Variants in CDH22 observed in about 807,000 individuals in gnomAD.
The protein encoded by CDH22 is cadherin-22.
Under a neutral mutation model 58.4 loss-of-function variants are expected in CDH22, and 30 were observed. The ratio of observed to expected loss-of-function variants is 0.51; its 90% CI spans 0.38 to 0.70. The LOEUF is 0.70. CDH22 is among the 30% of genes least tolerant of loss of function. The pLI is 0.00. For synonymous variants in CDH22, 513 were observed against 558.2 expected (o/e 0.92, Z 1.14); for missense variants, 1,014 against 1,233.9 (o/e 0.82, Z 2.67).
chr20:46,199,547 G>A lies in CDH22; in HGVS notation c.1299C>T (p.Asp433=), dbSNP rs752395336. 3.1e-6 allele frequency: 5 copies of A among 1,613,586 alleles called. No homozygotes were observed. The highest frequency in any genetic ancestry group is 1.3e-5 in the African/African-American group (1 of 74,944). ...AGATCTGGTCCAAATCTGATTCGCG[G>A]TCAATGGCGTACCTGCGGGGGGCAG... ...AANRPVRYAI[D]RESDLDQIFD... is the part of the protein sequence containing the mutation. Residue 433 remains aspartate (D), a synonymous_variant, in exon 8 of 12, where the codon GAC becomes GAT. Coordinates refer to ENST00000537909, the MANE Select transcript of CDH22 (RefSeq NM_021248.3).
intron 5 of CDH22, among the ~76,000 whole-genome samples, chr20:46,215,300 C>T (rs918180717): frequency 6.6e-6 from 1 of 152,124 alleles, no homozygotes; most frequent in Non-Finnish European, 1.5e-5. Flanking sequence ...TTATGGAATA[C>T]TATACAGCAA....
chr20:46,259,431 C>T (rs1350859963), intron 1 of CDH22, among the ~76,000 whole-genome samples: 1 of 152,156 alleles, frequency 6.6e-6, no homozygotes, highest in African/African-American at 2.4e-5. Context: ...TATCAGTGAA[C>T]CAAAATCTAG....
In CDH22 at chr20:46,304,081, C is replaced by T. The variant is rs185248545; in HGVS notation, c.-400+4174G>A. The stretch of plus-strand genomic sequence containing the variant: ...ACTCTAGAACATGTTCCCACACTGC[C>T]GGCTGCATGCAGGGACTCCACCTTC... On this transcript the variant is annotated intron_variant, in intron 1 of 11. Coordinates refer to ENST00000537909, the MANE Select transcript of CDH22 (RefSeq NM_021248.3). Among the ~76,000 whole-genome samples, 408 of 152,202 alleles carry T rather than the reference C, an allele frequency of 2.7e-3. 4 individuals are homozygous for T. Among genetic ancestry groups the T allele is most frequent in the Non-Finnish European group, 4.5e-3 (308 of 68,006 alleles).
intron 1 of CDH22, among the ~76,000 whole-genome samples, chr20:46,285,143 T>C (rs6032750): frequency 0.31 from 46,631 of 152,150 alleles, 7,871 homozygotes; most frequent in African/African-American, 0.45. Flanking sequence ...TGCCTTTGCA[T>C]GTGCCGTGAC....
At chr20:46,208,467 CT>C (rs1387876424) in intron 7 of CDH22, among the ~76,000 whole-genome samples, 3 of 152,172 alleles carry the variant, frequency 2.0e-5, no homozygotes, top group African/African-American at 7.2e-5. Flanking sequence ...CTCCTGTCCT[CT>C]TTTTATGGGC....
Position 46,207,906 on chromosome 20 carries a change from T to C in CDH22, c.1286+2401A>G, listed in dbSNP as rs117818143. Among the ~76,000 whole-genome samples, 347 of 152,346 alleles carry C rather than the reference T, an allele frequency of 2.3e-3. 1 individual carries two copies. The highest frequency in any genetic ancestry group is 9.9e-3 in the South Asian group (48 of 4,832). ...GGCTATCTCCCAGTCTGAGAATCCA[T>C]GAACAGTTAAGCAGGATAGCATCTG... On this transcript the variant is annotated intron_variant, in intron 7 of 11. Coordinates refer to ENST00000537909, the MANE Select transcript of CDH22 (RefSeq NM_021248.3).
At chr20:46,222,596 T>C (rs2086134991) in intron 4 of CDH22, among the ~76,000 whole-genome samples, 1 of 152,204 alleles carries the variant, frequency 6.6e-6, no homozygotes, top group South Asian at 2.1e-4. Context: ...CTGGTAATTA[T>C]AACCTGGCCT....
Position 46,251,145 on chromosome 20 carries a change from C to T in CDH22, c.150G>A (p.Arg50=). 2.5e-6 allele frequency: 4 copies of T among 1,596,690 alleles called. No individual in the cohort carries two copies. The highest frequency in any genetic ancestry group is 3.4e-6 in the Non-Finnish European group (4 of 1,172,618). The stretch of plus-strand genomic sequence containing the variant: ...GGCCGGCTCCCAGCGCGCCGTCCTG[C>T]CGAGCTCCGGGCGCCGACGGCGAGG... ...GTPSPSAPGA[R]QDGALGAGRV... Residue 50 remains arginine (R), a synonymous_variant, in exon 2 of 12, where the codon CGG becomes CGA. Coordinates refer to ENST00000537909, the MANE Select transcript of CDH22 (RefSeq NM_021248.3). The surrounding 1 kb of genome is among the most constrained non-coding windows in gnomAD (Gnocchi z 6.7).
chr20:46,208,012 T>C (rs571678025), intron 7 of CDH22, among the ~76,000 whole-genome samples: 1 of 152,330 alleles, frequency 6.6e-6, no homozygotes, highest in South Asian at 2.1e-4. Context: ...AGACAGACAA[T>C]GACGGAACGT....
In CDH22 at chr20:46,202,970, C is replaced by T. The variant is rs140877376; in HGVS notation, c.1287-3411G>A. Among the ~76,000 whole-genome samples, 6 of 152,346 alleles carry T rather than the reference C, an allele frequency of 3.9e-5. No individual in the cohort carries two copies. In the East Asian group the frequency reaches 9.6e-4, roughly 24 times the overall value. On this transcript the variant is annotated intron_variant, in intron 7 of 11. Transcript: ENST00000537909. ...GATGCCAACTGCCTTCTTGTTGTTT[C>T]TCCTCCCTTCTTGGCTCAGAGCTGT...
At chr20:46,296,635 C>T (rs2086630227) in intron 1 of CDH22, among the ~76,000 whole-genome samples, 1 of 152,122 alleles carries the variant, frequency 6.6e-6, no homozygotes, top group African/African-American at 2.4e-5. Context: ...AATGGCCTAG[C>T]GGGTATGTGT....
chr20:46,209,187 C>T (rs79918713), intron 7 of CDH22, among the ~76,000 whole-genome samples: 2,672 of 152,264 alleles, frequency 0.018, 29 homozygotes, highest in Non-Finnish European at 0.026. Flanking sequence ...GAAGGTCTCA[C>T]TGAGAAGATG....
chr20:46,194,497 T>G (rs1440826063), intron 8 of CDH22, among the ~76,000 whole-genome samples: 2 of 152,170 alleles, frequency 1.3e-5, no homozygotes, highest in Non-Finnish European at 2.9e-5. Context: ...AGGTTGGGTA[T>G]GGGGCTGGAG....
At chr20:46,234,571 T>C (rs940682158) in intron 3 of CDH22, among the ~76,000 whole-genome samples, 5 of 152,256 alleles carry the variant, frequency 3.3e-5, no homozygotes, top group South Asian at 2.1e-4. Context: ...CTATTAAATA[T>C]GCTGCTCACA....
chr20:46,198,729 C>A (rs1339186238), intron 8 of CDH22, among the ~76,000 whole-genome samples: 1 of 152,236 alleles, frequency 6.6e-6, no homozygotes, highest in Non-Finnish European at 1.5e-5. Context: ...ATCAACCACA[C>A]TGGCCTCTTT....
intron 7 of CDH22, among the ~76,000 whole-genome samples, chr20:46,208,304 C>T (rs2086015354): frequency 6.6e-6 from 1 of 152,226 alleles, no homozygotes; most frequent in South Asian, 2.1e-4. Flanking sequence ...CTGTCAGAGA[C>T]TCCCCAATAC....
intron 5 of CDH22, among the ~76,000 whole-genome samples, chr20:46,215,093 GA>G (rs1282772163): frequency 6.6e-6 from 1 of 152,218 alleles, no homozygotes; most frequent in African/African-American, 2.4e-5. Context: ...CCTCATGGGG[GA>G]AAACAGTTTG....
intron 4 of CDH22, among the ~76,000 whole-genome samples, chr20:46,226,236 T>TTCTTCC (rs1399797597): frequency 3.6e-3 from 24 of 6,578 alleles, no homozygotes; most frequent in East Asian, 0.011. Flanking sequence ...CAACACCTTC[T>TTCTTCC]TCTTCTTCTT....
intron 1 of CDH22, among the ~76,000 whole-genome samples, chr20:46,264,626 G>A (rs2086449200): frequency 6.6e-6 from 1 of 152,066 alleles, no homozygotes; most frequent in Non-Finnish European, 1.5e-5. Context: ...ATTCAAACAG[G>A]CTCTGGCAGT....
Sources: gnomAD v4.1 joint callset for allele counts (sites outside exome capture counted in the v4.1 genomes callset) on GRCh38, gnomAD v4.1.1 for gene constraint, Gnocchi (gnomAD v3.1) non-coding constraint, MANE v1.5 for transcripts, NCBI Gene and HGNC (gene_info 2026-07-23, HGNC 2026-07-21) for gene names.